The following PCDHGA5 variants were observed in gnomAD, a reference collection of about 807,000 sequenced individuals.
The protein encoded by PCDHGA5 is protocadherin gamma-A5.
A neutral mutation model predicts 56.7 loss-of-function variants in PCDHGA5; 36 were observed. The ratio of observed to expected loss-of-function variants is 0.64; its 90% CI spans 0.49 to 0.84. The LOEUF (loss-of-function observed/expected upper bound fraction) is 0.84. PCDHGA5 is among the 40% of genes least tolerant of loss of function. PCDHGA5 has a pLI of 0.00. For missense variants in PCDHGA5, 1,305 were observed against 1,201.5 expected (o/e 1.09, Z -1.27); for synonymous variants, 563 against 520.2 (o/e 1.08, Z -1.12).
At chr5:141,415,079 C>A (rs1388248799) in intron 1 of PCDHGA5, 1 of 1,613,380 alleles carries the variant, frequency 6.2e-7, no homozygotes, top group Non-Finnish European at 8.5e-7. Context: ...ACGGCGCGAG[C>A]CCTGCTGGAC....
At chr5:141,411,045 T>G (rs1409162601) in intron 1 of PCDHGA5, 1 of 159,716 alleles carries the variant, frequency 6.3e-6, no homozygotes, top group Non-Finnish European at 1.4e-5. Flanking sequence ...AGACATGGGG[T>G]TTCACTATGT....
chr5:141,490,715 C>G lies in PCDHGA5; in HGVS notation c.2422-4092C>G, dbSNP rs757619272. The stretch of plus-strand genomic sequence containing the variant: ...GGGGATAATGCCCGCCTCACCTACT[C>G]CATTGTAGGAAATCAGGTTCAGGGA... On this transcript the variant is annotated intron_variant, in intron 1 of 3. Coordinates refer to ENST00000518069, the MANE Select transcript of PCDHGA5 (RefSeq NM_018918.3). This position sits in a 1 kb window ranked among gnomAD's most constrained non-coding sequence, Gnocchi z 5.4. 14 of 1,614,130 alleles carry G rather than the reference C, an allele frequency of 8.7e-6. No individual in the cohort carries two copies. Among genetic ancestry groups the G allele is most frequent in the Non-Finnish European group, 1.1e-5 (13 of 1,179,978 alleles).
chr5:141,472,542 G>GA (rs904556404), intron 1 of PCDHGA5, among the ~76,000 whole-genome samples: 21 of 147,124 alleles, frequency 1.4e-4, no homozygotes, highest in Admixed American at 7.4e-4. Flanking sequence ...ACCATCTCAA[G>GA]AAAAAAAAAA....
chr5:141,423,184 C>A (rs747938944), intron 1 of PCDHGA5: 1 of 1,613,442 alleles, frequency 6.2e-7, no homozygotes, highest in South Asian at 1.1e-5. Flanking sequence ...CCACGGCCAG[C>A]CCCCTCTCTC....
At chr5:141,423,119 G>T (rs769320490) in intron 1 of PCDHGA5, 2 of 1,613,774 alleles carry the variant, frequency 1.2e-6, no homozygotes, top group Non-Finnish European at 1.7e-6. Context: ...CGTACAGCGC[G>T]GGCACTGCTG....
chr5:141,392,683 G>A, intron 1 of PCDHGA5: 1 of 1,058,682 alleles, frequency 9.4e-7, no homozygotes. Context: ...GGACTGCAGC[G>A]AAACCCGACC....
At chr5:141,423,826 A>G (rs1324911075) in intron 1 of PCDHGA5, 21 of 1,275,178 alleles carry the variant, frequency 1.6e-5, no homozygotes, top group Middle Eastern at 2.2e-4. Flanking sequence ...TTTGCCTTTC[A>G]TGAGATTACG....
chr5:141,395,542 TTGTGTGTG>T (rs55729045), intron 1 of PCDHGA5: 8,424 of 171,616 alleles, frequency 0.049, 167 homozygotes, highest in African/African-American at 0.088. Context: ...TTGCTATTGT[TTGTGTGTG>T]TGTGTGTGTG....
At chr5:141,374,714 G>A (rs1236113306) in intron 1 of PCDHGA5, 1 of 1,609,850 alleles carries the variant, frequency 6.2e-7, no homozygotes, top group Middle Eastern at 1.7e-4. Flanking sequence ...TTACCGCCTG[G>A]TCCTTACTGC....
At chr5:141,408,297 C>G in intron 1 of PCDHGA5, 1 of 1,613,652 alleles carries the variant, frequency 6.2e-7, no homozygotes, top group East Asian at 2.2e-5. Flanking sequence ...CTGAGTGAGC[C>G]GATCCGCTAC....
At chr5:141,372,221 G>T (rs1229058896) in intron 1 of PCDHGA5, 1 of 1,613,516 alleles carries the variant, frequency 6.2e-7, no homozygotes, top group African/African-American at 1.3e-5. Context: ...ACCACATTGT[G>T]CAGGCCAGCG....
chr5:141,476,666 G>C lies in PCDHGA5; in HGVS notation c.2422-18141G>C, dbSNP rs2099395856. On this transcript the variant is annotated intron_variant, in intron 1 of 3. Coordinates refer to ENST00000518069, the MANE Select transcript of PCDHGA5 (RefSeq NM_018918.3). This position sits in a 1 kb window ranked among gnomAD's most constrained non-coding sequence, Gnocchi z 7.6. The stretch of plus-strand genomic sequence containing the variant: ...CCGAAATGAATACTTTGCGCTTCGC[G>C]TGCAGACGCGGGAGGACAGCACCAA... 6.2e-7 allele frequency: 1 copy of C among 1,614,246 alleles called. No individual in the cohort carries two copies. The highest frequency in any genetic ancestry group is 8.5e-7 in the Non-Finnish European group (1 of 1,180,044).
At chr5:141,396,015 T>C (rs1243437259) in intron 1 of PCDHGA5, 1 of 152,252 alleles carries the variant, frequency 6.6e-6, no homozygotes, top group South Asian at 2.1e-4. Context: ...AAAGTGACTT[T>C]TGTAAAATAT....
At position 141,491,587 on chromosome 5, in the gene PCDHGA5, G is replaced by A. The variant is rs1177701526; in HGVS notation, c.2422-3220G>A. 1.2e-6 allele frequency: 2 copies of A among 1,613,834 alleles called. No individual in the cohort carries two copies. Among genetic ancestry groups the A allele is most frequent in the African/African-American group, 2.7e-5 (2 of 74,926 alleles). On this transcript the variant is annotated intron_variant, in intron 1 of 3. Coordinates refer to ENST00000518069, the MANE Select transcript of PCDHGA5 (RefSeq NM_018918.3). The surrounding 1 kb of genome is among the most constrained non-coding windows in gnomAD (Gnocchi z 6.9). ...CAGGACGTGCTTTTCACCGGCCTCG[G>A]ACGGCAGTGACTTCACTTTTCTAAG...
chr5:141,489,174 C>A lies in PCDHGA5; in HGVS notation c.2422-5633C>A. On this transcript the variant is annotated intron_variant, in intron 1 of 3. Coordinates refer to ENST00000518069, the MANE Select transcript of PCDHGA5 (RefSeq NM_018918.3). The surrounding 1 kb of genome is among the most constrained non-coding windows in gnomAD (Gnocchi z 4.5). ...ATAAGAGACTTCAGCTGCTGCATTC[C>A]AAGCCCTGGGTCTACCTTGGAGACA... The A allele has an allele frequency of 8.2e-7, 1 of 1,224,772 alleles. No individual in the cohort carries two copies. 75.9% of individuals were successfully genotyped at this position (1,224,772 alleles called of 1,614,324 possible).
chr5:141,489,983 G>T lies in PCDHGA5; in HGVS notation c.2422-4824G>T. ...CCAACCTTCCAATCCTCAGTTCTACGTGTGGGAATCCCAGAGAATGCACCC... is the reference window on the plus strand; with the variant it reads ...CCAACCTTCCAATCCTCAGTTCTACTTGTGGGAATCCCAGAGAATGCACCC... On this transcript the variant is annotated intron_variant, in intron 1 of 3. Coordinates refer to ENST00000518069, the MANE Select transcript of PCDHGA5 (RefSeq NM_018918.3). The surrounding 1 kb of genome is among the most constrained non-coding windows in gnomAD (Gnocchi z 4.5). The T allele has an allele frequency of 6.2e-7, 1 of 1,614,172 alleles. No homozygotes were observed. Among genetic ancestry groups the T allele is most frequent in the Non-Finnish European group, 8.5e-7 (1 of 1,179,996 alleles).
At chr5:141,408,373 T>C in intron 1 of PCDHGA5, 1 of 1,613,952 alleles carries the variant, frequency 6.2e-7, no homozygotes, top group Non-Finnish European at 8.5e-7. Flanking sequence ...TAGGGCTCAG[T>C]GTCCTGGATG....
intron 1 of PCDHGA5, chr5:141,374,487 A>G: frequency 6.2e-7 from 1 of 1,611,648 alleles, no homozygotes; most frequent in Non-Finnish European, 8.5e-7. Context: ...CGATTCTTAA[A>G]GGAAGAATTG....
intron 1 of PCDHGA5, chr5:141,409,458 A>G (rs1435071611): frequency 4.3e-6 from 7 of 1,613,820 alleles, no homozygotes; most frequent in East Asian, 2.2e-5. Context: ...CCAGAATACA[A>G]TGTCACCATC....
Sources: allele counts gnomAD v4.1 joint callset (sites outside exome capture counted in the v4.1 genomes callset), GRCh38; gene constraint gnomAD v4.1.1; non-coding constraint Gnocchi (gnomAD v3.1); transcripts MANE v1.5; gene names NCBI Gene and HGNC (gene_info 2026-07-23, HGNC 2026-07-21).